Variants in FRMD5 observed in about 807,000 individuals in gnomAD.
The protein encoded by FRMD5 is FERM domain containing 5, also known as FERM domain-containing protein 5.
FRMD5 carries 20 observed loss-of-function variants against 69.0 expected under a neutral mutation model. The ratio of observed to expected loss-of-function variants is 0.29; its 90% CI spans 0.20 to 0.42. FRMD5 has a LOEUF of 0.42. Ranked by LOEUF, FRMD5 falls within the 10% of genes least tolerant of loss-of-function variation. The pLI, the probability that FRMD5 is intolerant of heterozygous loss-of-function variation, is 1.00. For synonymous variants in FRMD5, 271 were observed against 260.1 expected (o/e 1.04, Z -0.40); for missense variants, 595 against 708.6 (o/e 0.84, Z 1.82).
intron 4 of FRMD5, among the ~76,000 whole-genome samples, chr15:43,917,106 C>G (rs1024391883): frequency 6.6e-6 from 1 of 152,054 alleles, no homozygotes; most frequent in South Asian, 2.1e-4. Context: ...AGAGCTCTTC[C>G]TAAGGGCCAA....
At chr15:44,182,033 C>T (rs967316853) in intron 1 of FRMD5, among the ~76,000 whole-genome samples, 30 of 143,850 alleles carry the variant, frequency 2.1e-4, no homozygotes, top group African/African-American at 7.2e-4. Flanking sequence ...TTTTTTGAAA[C>T]GGAGTCTCAC....
chr15:44,171,905 G>T (rs923396282), intron 1 of FRMD5, among the ~76,000 whole-genome samples: 2 of 151,988 alleles, frequency 1.3e-5, no homozygotes, highest in African/African-American at 2.4e-5. Context: ...CTGGGCTACA[G>T]GCGTGCGCCA....
chr15:43,958,828 C>A (rs1205614693), intron 1 of FRMD5, among the ~76,000 whole-genome samples: 1 of 152,180 alleles, frequency 6.6e-6, no homozygotes, highest in Non-Finnish European at 1.5e-5. Context: ...TGCTTGAGCT[C>A]CTGTTCTTTC....
At chr15:44,002,112 C>A (rs1890239873) in intron 1 of FRMD5, among the ~76,000 whole-genome samples, 1 of 152,132 alleles carries the variant, frequency 6.6e-6, no homozygotes, top group African/African-American at 2.4e-5. Context: ...CACTTTTCAA[C>A]TTTCTAGCAC....
chr15:44,004,480 A>G (rs914571321), intron 1 of FRMD5, among the ~76,000 whole-genome samples: 1 of 152,202 alleles, frequency 6.6e-6, no homozygotes, highest in African/African-American at 2.4e-5. Context: ...ACTTTGTTAA[A>G]TCTTGCAATA....
chr15:44,133,517 A>T (rs1363482181), intron 1 of FRMD5, among the ~76,000 whole-genome samples: 1 of 149,166 alleles, frequency 6.7e-6, no homozygotes, highest in Admixed American at 6.7e-5. Context: ...CAGAGCTTTC[A>T]GTGAGCTGAG....
intron 1 of FRMD5, among the ~76,000 whole-genome samples, chr15:44,150,893 A>T (rs1231993913): frequency 6.6e-6 from 1 of 152,078 alleles, no homozygotes; most frequent in Non-Finnish European, 1.5e-5. Flanking sequence ...GGAGTTCGAG[A>T]CCAGCCTGGC....
At chr15:44,185,317 A>T (rs570655546) in intron 1 of FRMD5, among the ~76,000 whole-genome samples, 1 of 152,332 alleles carries the variant, frequency 6.6e-6, no homozygotes, top group East Asian at 1.9e-4. Context: ...TTCTTTTGAT[A>T]GTATAACTTC....
chr15:44,102,070 C>T (rs2076649197), intron 1 of FRMD5, among the ~76,000 whole-genome samples: 1 of 152,218 alleles, frequency 6.6e-6, no homozygotes, highest in African/African-American at 2.4e-5. Flanking sequence ...GCACCATTAT[C>T]CATTCTTTGC....
chr15:43,946,053 T>C (rs2089941893), intron 1 of FRMD5, among the ~76,000 whole-genome samples: 1 of 148,210 alleles, frequency 6.7e-6, no homozygotes, highest in Non-Finnish European at 1.5e-5. Context: ...AGACTCTGTC[T>C]CAAAAAAAAA....
chr15:44,025,217 A>G (rs902695111), intron 1 of FRMD5, among the ~76,000 whole-genome samples: 2 of 152,240 alleles, frequency 1.3e-5, no homozygotes, highest in African/African-American at 2.4e-5. Context: ...ATAATATAGA[A>G]CAAAATATCA....
chr15:44,165,798 T>C (rs1192780862), intron 1 of FRMD5, among the ~76,000 whole-genome samples: 1 of 152,004 alleles, frequency 6.6e-6, no homozygotes, highest in Non-Finnish European at 1.5e-5. Flanking sequence ...GCCACTGTAC[T>C]CCAGCCTGGG....
At chr15:43,906,677 C>G (rs896653254) in intron 5 of FRMD5, among the ~76,000 whole-genome samples, 1 of 151,542 alleles carries the variant, frequency 6.6e-6, no homozygotes, top group Non-Finnish European at 1.5e-5. Context: ...TCTTGGCTCA[C>G]TGCAAGCTCC....
intron 1 of FRMD5, among the ~76,000 whole-genome samples, chr15:43,959,283 T>C (rs2090161005): frequency 6.6e-6 from 1 of 152,168 alleles, no homozygotes; most frequent in Non-Finnish European, 1.5e-5. Flanking sequence ...TACTCAAATA[T>C]TCATCATGGA....
intron 4 of FRMD5, among the ~76,000 whole-genome samples, chr15:43,915,260 T>C (rs1202246165): frequency 6.6e-6 from 1 of 152,214 alleles, no homozygotes; most frequent in African/African-American, 2.4e-5. Flanking sequence ...ATGGCTGCTT[T>C]CACACTACAA....
At chr15:44,142,656 C>T (rs945108164) in intron 1 of FRMD5, among the ~76,000 whole-genome samples, 1 of 151,936 alleles carries the variant, frequency 6.6e-6, no homozygotes, top group Non-Finnish European at 1.5e-5. Context: ...GAAATGGAGC[C>T]CCCTGGGGTG....
intron 1 of FRMD5, among the ~76,000 whole-genome samples, chr15:44,029,142 C>T (rs1430841674): frequency 6.6e-6 from 1 of 152,166 alleles, no homozygotes. Flanking sequence ...AAATACCAGG[C>T]AGGCTGAATT....
chr15:43,875,845 G>GTTTTTTTTTTTT, intron 13 of FRMD5: 1 of 166,306 alleles, frequency 6.0e-6, no homozygotes, highest in Non-Finnish European at 1.2e-5. Context: ...TCTTTCATAT[G>GTTTTTTTTTTTT]ATTTTATTTT....
chr15:44,195,190 C>T lies in FRMD5; in HGVS notation c.-136G>A. 1.6e-6 allele frequency: 1 copy of T among 622,080 alleles called. No homozygotes were observed. Among genetic ancestry groups the T allele is most frequent in the Admixed American group, 3.3e-5 (1 of 30,564 alleles). 38.5% of individuals were successfully genotyped at this position (622,080 alleles called of 1,614,324 possible). A position where few individuals can be genotyped will look rare whatever the true frequency, so the allele number is the denominator to read the frequency against. On this transcript the variant is annotated 5_prime_UTR_variant, in exon 1 of 14. Transcript: ENST00000417257. ...GCCCCGTCGCTGCCGTTGCCTCCTG[C>T]TGGCCTCGTTCCTCCTCCTTATCCT... is the stretch of plus-strand genomic sequence containing the variant.
Sources: gnomAD v4.1 joint callset for allele counts (sites outside exome capture counted in the v4.1 genomes callset) on GRCh38, gnomAD v4.1.1 for gene constraint, MANE v1.5 for transcripts, NCBI Gene and HGNC (gene_info 2026-07-23, HGNC 2026-07-21) for gene names.